Variants in COQ8B observed in about 807,000 individuals in gnomAD.
COQ8B encodes the protein coenzyme Q8B, also known as atypical kinase COQ8B, mitochondrial.
In COQ8B, 44 loss-of-function variants were observed where a neutral mutation model predicts 62.0. The observed-to-expected ratio is 0.71, with a 90% CI of 0.56 to 0.91. COQ8B has a LOEUF of 0.91. Among genes scored for constraint, COQ8B ranks in the 40% least tolerant of loss-of-function variants. The probability of loss-of-function intolerance (pLI) is 0.00; values close to 1 mark genes in which losing one functional copy is unlikely to be tolerated. For synonymous variants in COQ8B, 252 were observed against 289.9 expected, an observed-to-expected ratio of 0.87 and a Z score of 1.33; for missense variants, 649 against 731.6, an observed-to-expected ratio of 0.89 and a Z score of 1.30.
intron 14 of COQ8B, 130 bp from the exon 15 acceptor site, chr19:40,692,503 A>G (rs1320363553): frequency 2.6e-6 from 2 of 771,678 alleles, no homozygotes; most frequent in African/African-American, 1.7e-5. Flanking sequence ...GACTCCCCCA[A>G]GAGTGAGCAG....
At chr19:40,694,402 T>A (rs2081997692) in intron 13 of COQ8B, among the ~76,000 whole-genome samples, 1 of 152,224 alleles carries the variant, frequency 6.6e-6, no homozygotes, top group African/African-American at 2.4e-5. Flanking sequence ...GCAGGGCACC[T>A]GGATACAGTA....
intron 1 of COQ8B, chr19:40,715,217 G>A: frequency 1.0e-6 from 1 of 985,098 alleles, no homozygotes; most frequent in South Asian, 4.6e-5. Flanking sequence ...GCCAGAGAGA[G>A]GCCCTAGCGA....
chr19:40,694,626 C>T (rs2081999744), intron 13 of COQ8B, among the ~76,000 whole-genome samples: 1 of 152,236 alleles, frequency 6.6e-6, no homozygotes. Flanking sequence ...AGACCAGAAT[C>T]TGCACTTGCA....
chr19:40,703,446 C>G (rs1599631169), intron 9 of COQ8B, 95 bp downstream of exon 9: 1 of 1,296,206 alleles, frequency 7.7e-7, no homozygotes, highest in South Asian at 1.5e-5. Context: ...GCCAGCACAC[C>G]CTGCCCGTGC....
rs2081977128 is a variant in COQ8B, at chr19:40,692,231, G to T, written c.1439C>A (p.Pro480His). Residue 480 changes from proline to histidine, a missense_variant, in exon 15 of 15, where the codon CCC becomes CAC. Pro to His is a moderately conservative substitution (Grantham distance 77, BLOSUM62 -2). Transcript: ENST00000324464. ...IPVLLRHRLC[P>H]PPEETYALHR... ...CAGGGCATAGGTCTCCTCGGGTGGG[G>T]GACACAGCCGGTGCCGCAGCAGCAC... The T allele has an allele frequency of 6.2e-7, 1 of 1,608,930 alleles. No homozygotes were observed. Among genetic ancestry groups the T allele is most frequent in the Admixed American group, 1.7e-5 (1 of 59,414 alleles).
intron 13 of COQ8B, among the ~76,000 whole-genome samples, chr19:40,694,152 GT>G (rs1289058977): frequency 3.3e-5 from 5 of 152,146 alleles, no homozygotes; most frequent in Non-Finnish European, 5.9e-5. Flanking sequence ...TCCTCTTCCT[GT>G]TCCTGTCTCA....
rs1460824409 is a variant in COQ8B at position 40,716,822 on chromosome 19, A to C, written c.-239T>G. 3 of 181,126 alleles carry C rather than the reference A, an allele frequency of 1.7e-5. No homozygotes were observed. The highest frequency in any genetic ancestry group is 3.4e-5 in the Non-Finnish European group (3 of 87,170). 11.2% of individuals were successfully genotyped at this position (181,126 alleles called of 1,614,324 possible). ...TCACAGGGGTGGAGGGAGGGGGCCC[A>C]CTGGCGCGCCACCAGGACCCCGGTG... On this transcript the variant is annotated 5_prime_UTR_variant, in exon 1 of 15. Transcript: ENST00000324464.
chr19:40,700,115 C>A lies in COQ8B; in HGVS notation c.1095G>T (p.Gln365His). 1 of 1,614,238 alleles carries A rather than the reference C, an allele frequency of 6.2e-7. No individual in the cohort carries two copies. Among genetic ancestry groups the A allele is most frequent in the Non-Finnish European group, 8.5e-7 (1 of 1,180,032 alleles). ...GGAAGTTGGCCCAGTTGGGGTCAGTCTGCATGAATCGGAACTCAAACAGCT... is the reference window on the plus strand; with the variant it reads ...GGAAGTTGGCCCAGTTGGGGTCAGTATGCATGAATCGGAACTCAAACAGCT... ...LRELFEFRFM[Q>H]TDPNWANFLY... Residue 365 changes from glutamine to histidine, a missense_variant, in exon 12 of 15, where the codon CAG becomes CAT. Coordinates refer to ENST00000324464, the MANE Select transcript of COQ8B (RefSeq NM_024876.4).
At position 40,692,215 on chromosome 19, in the gene COQ8B, G is replaced by A; in HGVS notation, c.1455C>T (p.Thr485=). The A allele has an allele frequency of 3.1e-6, 5 of 1,604,686 alleles. No individual in the cohort carries two copies. The highest frequency in any genetic ancestry group is 4.3e-6 in the Non-Finnish European group (5 of 1,175,670). Residue 485 remains threonine, a synonymous_variant, in exon 15 of 15, where the codon ACC becomes ACT. Transcript: ENST00000324464. ...RHRLCPPPEE[T]YALHRKLAGA... is the part of the protein sequence containing the mutation. ...CTGCCAGCTTGCGGTGCAGGGCATAGGTCTCCTCGGGTGGGGGACACAGCC... is the reference window on the plus strand; with the variant it reads ...CTGCCAGCTTGCGGTGCAGGGCATAAGTCTCCTCGGGTGGGGGACACAGCC...
At chr19:40,713,946 G>T in intron 4 of COQ8B, 121 bp downstream of exon 4, 3 of 1,089,448 alleles carry the variant, frequency 2.8e-6, no homozygotes, top group Non-Finnish European at 4.0e-6. Flanking sequence ...CCTTGCCTTT[G>T]TCTCTCTTTT....
Position 40,714,598 on chromosome 19 carries a change from G to A in COQ8B, c.35C>T (p.Thr12Ile). The change falls in exon 2 of 15, where the codon ACC (threonine) becomes ATC (isoleucine). Residue 12 changes from threonine (T) to isoleucine (I), a missense_variant. Coordinates refer to ENST00000324464, the MANE Select transcript of COQ8B (RefSeq NM_024876.4). ...AACAGTCTGGCCCAGCTGTCCACCG[G>A]TCCCCCGAAGTAGGCCCCCCACCTT... ...WLKVGGLLRG[T>I]GGQLGQTVGW... 1 of 1,611,364 alleles carries A rather than the reference G, an allele frequency of 6.2e-7. No homozygotes were observed. Among genetic ancestry groups the A allele is most frequent in the South Asian group, 1.1e-5 (1 of 90,848 alleles).
At chr19:40,714,906 G>C in intron 1 of COQ8B, 1 of 1,239,070 alleles carries the variant, frequency 8.1e-7, no homozygotes, top group Admixed American at 4.1e-5. Context: ...AGTTCCTCAG[G>C]GGCTACCTCT....
chr19:40,709,177 G>A (rs775027046), intron 5 of COQ8B, among the ~76,000 whole-genome samples: 2 of 152,174 alleles, frequency 1.3e-5, no homozygotes, highest in African/African-American at 2.4e-5. Context: ...ATAATCACAT[G>A]TAAGAAAATT....
intron 4 of COQ8B, 65 bp from the exon 5 acceptor site, chr19:40,710,201 C>T: frequency 7.0e-7 from 1 of 1,435,484 alleles, no homozygotes. Flanking sequence ...AACCCACTCT[C>T]CTTTCTCAGT....
At chr19:40,696,830 C>T (rs2082018635) in intron 12 of COQ8B, among the ~76,000 whole-genome samples, 1 of 152,174 alleles carries the variant, frequency 6.6e-6, no homozygotes, top group Admixed American at 6.6e-5. Context: ...ATGTGTACAG[C>T]TGTAAACAAT....
intron 5 of COQ8B, among the ~76,000 whole-genome samples, chr19:40,706,516 A>G (rs1383882511): frequency 1.3e-5 from 2 of 152,170 alleles, no homozygotes; most frequent in African/African-American, 4.8e-5. Context: ...CCCAGGCTGG[A>G]GTGCAGCGGC....
At chr19:40,702,995 G>A (rs1280015471) in intron 9 of COQ8B, among the ~76,000 whole-genome samples, 1 of 151,854 alleles carries the variant, frequency 6.6e-6, no homozygotes, top group Non-Finnish European at 1.5e-5. Context: ...GGGTTCCCCG[G>A]GGTCTTCCGA....
At chr19:40,710,166 C>G (rs768705011) in intron 4 of COQ8B, 30 bp from the exon 5 acceptor site, 2 of 1,609,990 alleles carry the variant, frequency 1.2e-6, no homozygotes, top group South Asian at 2.2e-5. Context: ...CATGAGTGCC[C>G]GTTTGCCTGG....
chr19:40,715,348 G>C, intron 1 of COQ8B: 1 of 985,622 alleles, frequency 1.0e-6, no homozygotes, highest in Non-Finnish European at 1.2e-6. Context: ...GTACGCGACA[G>C]ACCCTTCTGT....
Sources: gnomAD v4.1 joint callset for allele counts (sites outside exome capture counted in the v4.1 genomes callset) on GRCh38, gnomAD v4.1.1 for gene constraint, MANE v1.5 for transcripts, NCBI Gene and HGNC (gene_info 2026-07-23, HGNC 2026-07-21) for gene names.